The following DOCK1 variants were observed in gnomAD, a reference collection of about 807,000 sequenced individuals.
DOCK1 encodes dedicator of cytokinesis 1.
In DOCK1, 138 loss-of-function variants were observed where a neutral mutation model predicts 262.7. The ratio of observed to expected loss-of-function variants is 0.53; its 90% CI spans 0.46 to 0.61. The LOEUF is 0.61. Among genes scored for constraint, DOCK1 ranks in the 20% least tolerant of loss-of-function variants. The probability of loss-of-function intolerance (pLI) is 0.00; values close to 1 mark genes in which losing one functional copy is unlikely to be tolerated. For missense variants in DOCK1, 1,908 were observed against 2,370.7 expected, an observed-to-expected ratio of 0.80 and a Z score of 4.05; for synonymous variants, 866 against 867.4, an observed-to-expected ratio of 1.00 and a Z score of 0.03.
chr10:127,052,813 T>A lies in DOCK1; in HGVS notation c.2334T>A (p.Asn778Lys). The change falls in exon 22 of 52, where the codon AAT becomes AAA. Residue 778 changes from asparagine (N) to lysine (K), a missense_variant and splice_region_variant. Around this residue, in one of 9 missense-constraint regions of DOCK1, gnomAD observed 518 missense variants for 575.1 expected, o/e 0.90. Coordinates refer to ENST00000623213, the MANE Select transcript of DOCK1 (RefSeq NM_001290223.2). ...TCGTGCGCTCCAGGATCCTGTTCAATCAGTGCGTACCTATCCCCTCCATGC... is the reference window on the plus strand; with the variant it reads ...TCGTGCGCTCCAGGATCCTGTTCAAACAGTGCGTACCTATCCCCTCCATGC... ...KFIVRSRILF[N>K]QLYENKGEAD... 6.2e-7 allele frequency: 1 copy of A among 1,611,194 alleles called. No homozygotes were observed. Among genetic ancestry groups the A allele is most frequent in the Non-Finnish European group, 8.5e-7 (1 of 1,178,416 alleles).
At chr10:127,174,396 C>T (rs964287105) in intron 27 of DOCK1, among the ~76,000 whole-genome samples, 3 of 152,176 alleles carry the variant, frequency 2.0e-5, no homozygotes, top group Admixed American at 2.0e-4. Flanking sequence ...GAGCACATGC[C>T]GGCCTGTAGG....
At chr10:127,399,020 C>G (rs2067074871) in intron 38 of DOCK1, among the ~76,000 whole-genome samples, 1 of 152,130 alleles carries the variant, frequency 6.6e-6, no homozygotes, top group Non-Finnish European at 1.5e-5. Context: ...AATGGAACTT[C>G]CTGAAACCAA....
At chr10:127,282,772 C>A (rs548168071) in intron 29 of DOCK1, among the ~76,000 whole-genome samples, 39 of 152,332 alleles carry the variant, frequency 2.6e-4, no homozygotes, top group South Asian at 8.3e-4. Flanking sequence ...CTTCGTGAGA[C>A]CTGAGAGCAA....
intron 23 of DOCK1, among the ~76,000 whole-genome samples, chr10:127,087,399 G>A (rs771314459): frequency 1.3e-5 from 2 of 152,182 alleles, no homozygotes; most frequent in African/African-American, 2.4e-5. Flanking sequence ...AATTCATGCC[G>A]GGCTCAGACG....
chr10:127,304,426 G>A (rs746532649), intron 29 of DOCK1, among the ~76,000 whole-genome samples: 68 of 152,030 alleles, frequency 4.5e-4, no homozygotes, highest in Admixed American at 4.5e-3. Flanking sequence ...AAAAATGTCA[G>A]CCCTTTTCCT....
intron 27 of DOCK1, among the ~76,000 whole-genome samples, chr10:127,228,401 C>T (rs554511136): frequency 8.1e-4 from 123 of 152,214 alleles, no homozygotes; most frequent in African/African-American, 2.9e-3. Flanking sequence ...TGGGTGGTGA[C>T]CAGCAGAGAG....
rs1393174955 is a variant in DOCK1 at position 127,446,625 on chromosome 10, T to C, written c.5414-769T>C. Among the ~76,000 whole-genome samples the C allele has an allele frequency of 2.0e-5, 3 of 152,170 alleles. No individual in the cohort carries two copies. The highest frequency in any genetic ancestry group is 6.5e-5 in the Admixed American group (1 of 15,276). On this transcript the variant is annotated intron_variant, in intron 50 of 51. Transcript: ENST00000623213. This position sits in a 1 kb window ranked among gnomAD's most constrained non-coding sequence, Gnocchi z 4.4. The stretch of plus-strand genomic sequence containing the variant: ...ATGCATTTTCCTAATAAAGGATTTT[T>C]CATCAGATGAATCCTAGGGGAAAAC...
chr10:126,930,468 T>A (rs2034106527), intron 1 of DOCK1, among the ~76,000 whole-genome samples: 1 of 152,218 alleles, frequency 6.6e-6, no homozygotes, highest in Non-Finnish European at 1.5e-5. Flanking sequence ...CCCGTGACCA[T>A]CGGGGTGGGG....
At chr10:126,976,601 G>A (rs747776908) in intron 2 of DOCK1, among the ~76,000 whole-genome samples, 11 of 152,112 alleles carry the variant, frequency 7.2e-5, no homozygotes, top group Non-Finnish European at 1.3e-4. Flanking sequence ...TCTGAGGTTT[G>A]CCTTTTTAAT....
At chr10:127,061,932 T>TTA (rs2045559854) in intron 23 of DOCK1, among the ~76,000 whole-genome samples, 156 bp downstream of exon 23, 1 of 19,840 alleles carries the variant, frequency 5.0e-5, no homozygotes, top group African/African-American at 1.6e-4. Context: ...AGCTGTGCTT[T>TTA]TTTTTTTTTT....
In DOCK1 at chr10:127,437,026, C is replaced by CCTA. The variant is rs147283243; in HGVS notation, c.5061-2000_5061-1998dup. ...CATCAGGACTCTGCTGATAGCGTGC[C>CCTA]CTATCGCATTGTTTAATTCGCGTCT... On this transcript the variant is annotated intron_variant, in intron 48 of 51. Coordinates refer to ENST00000623213, the MANE Select transcript of DOCK1 (RefSeq NM_001290223.2). The surrounding 1 kb of genome is among the most constrained non-coding windows in gnomAD (Gnocchi z 4.4). 7.4e-4 allele frequency among the ~76,000 whole-genome samples: 113 copies of CCTA among 152,196 alleles called. No individual in the cohort carries two copies. The highest frequency in any genetic ancestry group is 2.5e-3 in the African/African-American group (104 of 41,514).
At chr10:127,141,160 T>G (rs1387686840) in intron 27 of DOCK1, among the ~76,000 whole-genome samples, 5 of 152,360 alleles carry the variant, frequency 3.3e-5, no homozygotes, top group Middle Eastern at 3.4e-3. Context: ...CTCCTTGTTG[T>G]CTGACCACCT....
At chr10:127,046,675 C>T (rs566750339) in intron 21 of DOCK1, among the ~76,000 whole-genome samples, 1 of 146,800 alleles carries the variant, frequency 6.8e-6, no homozygotes, top group South Asian at 2.1e-4. Context: ...GTAGGAGAAT[C>T]GCTTGAACCT....
intron 21 of DOCK1, among the ~76,000 whole-genome samples, chr10:127,045,867 C>T (rs1004985750): frequency 1.1e-4 from 17 of 152,192 alleles, no homozygotes; most frequent in Admixed American, 3.3e-4. Flanking sequence ...CCATCTGCTC[C>T]GCCCCCTCTA....
intron 27 of DOCK1, among the ~76,000 whole-genome samples, chr10:127,213,736 T>A (rs1271595748): frequency 1.3e-5 from 2 of 152,222 alleles, no homozygotes; most frequent in Non-Finnish European, 2.9e-5. Context: ...GAAACACACT[T>A]TGGGAAATGA....
chr10:127,304,210 G>A (rs530144919), intron 29 of DOCK1, among the ~76,000 whole-genome samples: 8 of 152,216 alleles, frequency 5.3e-5, no homozygotes, highest in African/African-American at 7.2e-5. Flanking sequence ...CTGAGGCTGC[G>A]GAGCAGTCGG....
intron 27 of DOCK1, chr10:127,138,109 G>T: frequency 8.9e-7 from 1 of 1,126,682 alleles, no homozygotes; most frequent in Non-Finnish European, 1.3e-6. Flanking sequence ...GGCATGATCA[G>T]TGTGTGTTTG....
In DOCK1 at chr10:127,451,677, C is replaced by T; in HGVS notation, c.*250C>T. ...TCGTAGTTATCAGAGTTGGGGGCCTCTGAGTGTGTCTGGCTCTGAGAGAGT... is the reference window on the plus strand; with the variant it reads ...TCGTAGTTATCAGAGTTGGGGGCCTTTGAGTGTGTCTGGCTCTGAGAGAGT... On this transcript the variant is annotated 3_prime_UTR_variant, in exon 52 of 52. Coordinates refer to ENST00000623213, the MANE Select transcript of DOCK1 (RefSeq NM_001290223.2). The T allele has an allele frequency of 2.9e-6, 2 of 688,486 alleles. No homozygotes were observed. 42.6% of individuals were successfully genotyped at this position (688,486 alleles called of 1,614,324 possible).
chr10:127,143,699 A>C lies in DOCK1; in HGVS notation c.2847+15935A>C, dbSNP rs370446278. Reference sequence around the variant, plus strand: ...ACACCAGCATTGTCCAGAGGAAACTAAAAGTTGGGATCTGGATCCCAGGCC... The same window carrying C: ...ACACCAGCATTGTCCAGAGGAAACTCAAAGTTGGGATCTGGATCCCAGGCC... On this transcript the variant is annotated intron_variant, in intron 27 of 51. Coordinates refer to ENST00000623213, the MANE Select transcript of DOCK1 (RefSeq NM_001290223.2). Among the ~76,000 whole-genome samples, 642 of 152,286 alleles carry C rather than the reference A, an allele frequency of 4.2e-3. 4 individuals carry two copies. The highest frequency in any genetic ancestry group is 0.015 in the African/African-American group (616 of 41,580).
Sources: gnomAD v4.1 joint callset for allele counts (sites outside exome capture counted in the v4.1 genomes callset) on GRCh38, gnomAD v4.1.1 for gene constraint, gnomAD v4.1.1 regional missense constraint, Gnocchi (gnomAD v3.1) non-coding constraint, MANE v1.5 for transcripts, NCBI Gene and HGNC (gene_info 2026-07-23, HGNC 2026-07-21) for gene names.